The following LY86 variants were observed in gnomAD, a reference collection of about 807,000 sequenced individuals.
LY86 encodes the protein lymphocyte antigen 86, also known as MD-1, RP105-associated.
In LY86, 20 loss-of-function variants were observed where a neutral mutation model predicts 17.3. The ratio of observed to expected loss-of-function variants is 1.15; its 90% CI spans 0.81 to 1.68. The LOEUF (loss-of-function observed/expected upper bound fraction) is 1.68. LY86 is among the 40% of genes most tolerant of loss of function. The pLI is 0.00. For synonymous variants in LY86, 74 were observed against 70.6 expected (o/e 1.05, Z -0.24); for missense variants, 200 against 191.9 (o/e 1.04, Z -0.25).
intron 3 of LY86, among the ~76,000 whole-genome samples, chr6:6,640,266 T>C (rs1313115995): frequency 3.9e-5 from 6 of 151,996 alleles, no homozygotes; most frequent in Middle Eastern, 3.4e-3. Flanking sequence ...GAATAAAAAG[T>C]GTAGGGAGAG....
At chr6:6,610,512 C>T (rs758144781) in intron 1 of LY86, among the ~76,000 whole-genome samples, 1 of 150,850 alleles carries the variant, frequency 6.6e-6, no homozygotes, top group African/African-American at 2.4e-5. Context: ...GTGCTCAGTT[C>T]CTCCTTTTAC....
intron 1 of LY86, among the ~76,000 whole-genome samples, chr6:6,608,914 C>G (rs190377057): frequency 2.9e-4 from 44 of 152,318 alleles, no homozygotes; most frequent in African/African-American, 9.6e-4. Context: ...TTCATGGCAG[C>G]TTGCTATCTT....
intron 3 of LY86, among the ~76,000 whole-genome samples, chr6:6,638,990 G>A (rs968154577): frequency 3.0e-4 from 45 of 151,874 alleles, no homozygotes; most frequent in Non-Finnish European, 4.4e-4. Flanking sequence ...TGTTTATTGC[G>A]GCACTATTCA....
intron 1 of LY86, among the ~76,000 whole-genome samples, chr6:6,611,371 G>A (rs1211676281): frequency 6.6e-6 from 1 of 152,100 alleles, no homozygotes; most frequent in Non-Finnish European, 1.5e-5. Flanking sequence ...CTCTGCCTCA[G>A]TTTTCCCAAT....
At chr6:6,606,788 G>T (rs998027515) in intron 1 of LY86, among the ~76,000 whole-genome samples, 1 of 152,264 alleles carries the variant, frequency 6.6e-6, no homozygotes, top group African/African-American at 2.4e-5. Context: ...CGCAGCCCGG[G>T]TTCCCGCTTA....
intron 1 of LY86, among the ~76,000 whole-genome samples, chr6:6,607,955 T>G (rs1761234777): frequency 6.6e-6 from 1 of 152,198 alleles, no homozygotes; most frequent in Admixed American, 6.5e-5. Context: ...AAATGGACTA[T>G]ATTAACCTGA....
intron 1 of LY86, among the ~76,000 whole-genome samples, chr6:6,622,959 G>C (rs1761712829): frequency 6.6e-6 from 1 of 152,218 alleles, no homozygotes; most frequent in Admixed American, 6.5e-5. Flanking sequence ...TTTGAATCTT[G>C]ACTCTGACAC....
intron 1 of LY86, among the ~76,000 whole-genome samples, chr6:6,613,640 C>A (rs1212843594): frequency 6.6e-6 from 1 of 152,244 alleles, no homozygotes; most frequent in African/African-American, 2.4e-5. Context: ...CTTCATATCT[C>A]CCCGCAAGCT....
intron 1 of LY86, among the ~76,000 whole-genome samples, chr6:6,593,989 T>G (rs911965090): frequency 2.0e-5 from 3 of 152,274 alleles, no homozygotes; most frequent in Non-Finnish European, 4.4e-5. Context: ...GCATGTCCTG[T>G]GGGCAATCCT....
chr6:6,604,018 A>G (rs1303568675), intron 1 of LY86, among the ~76,000 whole-genome samples: 2 of 152,220 alleles, frequency 1.3e-5, no homozygotes, highest in African/African-American at 4.8e-5. Flanking sequence ...TTTGGGCCCC[A>G]AATGTATATA....
chr6:6,603,812 C>G (rs1442496600), intron 1 of LY86, among the ~76,000 whole-genome samples: 1 of 151,578 alleles, frequency 6.6e-6, no homozygotes, highest in African/African-American at 2.4e-5. Flanking sequence ...CTACAACCTT[C>G]TAAGAGTTAC....
intron 1 of LY86, among the ~76,000 whole-genome samples, chr6:6,601,122 C>T (rs1760893395): frequency 1.3e-5 from 2 of 152,172 alleles, no homozygotes; most frequent in African/African-American, 2.4e-5. Flanking sequence ...AAAAATGTGC[C>T]TGAGGTTTTA....
intron 3 of LY86, among the ~76,000 whole-genome samples, chr6:6,637,392 A>G (rs1761975860): frequency 6.6e-6 from 1 of 152,152 alleles, no homozygotes; most frequent in Admixed American, 6.5e-5. Context: ...AAATGAGCCA[A>G]CCATGCTGCA....
At chr6:6,601,647 G>A (rs549692173) in intron 1 of LY86, among the ~76,000 whole-genome samples, 10 of 152,180 alleles carry the variant, frequency 6.6e-5, no homozygotes, top group African/African-American at 2.2e-4. Flanking sequence ...GTGAACCCAG[G>A]AGGCAGAGCT....
At chr6:6,602,665 TCCTGGGGAC>T (rs1476046885) in intron 1 of LY86, among the ~76,000 whole-genome samples, 1 of 152,104 alleles carries the variant, frequency 6.6e-6, no homozygotes, top group Non-Finnish European at 1.5e-5. Context: ...TGGGGTTCAG[TCCTGGGGAC>T]CCTGGGGAGC....
chr6:6,626,003 C>T (rs563236225), intron 2 of LY86, among the ~76,000 whole-genome samples: 35 of 152,276 alleles, frequency 2.3e-4, no homozygotes, highest in Non-Finnish European at 3.7e-4. Context: ...GACCTGCAGA[C>T]ATCACATTAA....
chr6:6,609,209 A>G (rs79665038), intron 1 of LY86, among the ~76,000 whole-genome samples: 6,213 of 152,294 alleles, frequency 0.041, 182 homozygotes, highest in South Asian at 0.11. Context: ...GATTTCCCAT[A>G]GAAACACCTC....
At chr6:6,621,939 A>G (rs1761688247) in intron 1 of LY86, among the ~76,000 whole-genome samples, 1 of 152,204 alleles carries the variant, frequency 6.6e-6, no homozygotes, top group African/African-American at 2.4e-5. Flanking sequence ...ACAGAGAAGG[A>G]TATGAGTTTG....
At chr6:6,630,506 G>C (rs1761882709) in intron 3 of LY86, among the ~76,000 whole-genome samples, 1 of 152,220 alleles carries the variant, frequency 6.6e-6, no homozygotes, top group Non-Finnish European at 1.5e-5. Context: ...TGATTGCCAT[G>C]CTTTCAAACA....
Sources: allele counts gnomAD v4.1 joint callset (sites outside exome capture counted in the v4.1 genomes callset), GRCh38; gene constraint gnomAD v4.1.1; transcripts MANE v1.5; gene names NCBI Gene and HGNC (gene_info 2026-07-23, HGNC 2026-07-21).